The following ZNF664 variants were observed in gnomAD, a reference collection of about 807,000 sequenced individuals.
ZNF664 encodes the protein zinc finger Organ of Corti 1.
Under a neutral mutation model 18.2 loss-of-function variants are expected in ZNF664, and 10 were observed. The observed-to-expected ratio is 0.55, with a 90% CI of 0.34 to 0.93. The LOEUF (loss-of-function observed/expected upper bound fraction) is 0.93, where lower values mean the gene tolerates loss of function less well. Among genes scored for constraint, ZNF664 ranks in the 40% least tolerant of loss-of-function variants. ZNF664 has a pLI of 0.02. For synonymous variants in ZNF664, 119 were observed against 104.2 expected (o/e 1.14, Z -0.86); for missense variants, 193 against 319.0 (o/e 0.61, Z 3.01).
At position 124,013,708 on chromosome 12, in the gene ZNF664, A is replaced by G; in HGVS notation, c.*778A>G. The G allele has an allele frequency of 1.8e-5, 3 of 167,240 alleles. No individual in the cohort carries two copies. 10.4% of individuals were successfully genotyped at this position (167,240 alleles called of 1,614,324 possible). ...AAATAGCTGAATGTAAATAGCAGGG[A>G]GGAAGAAGCAAGCAAAGTGAGAGCT... On this transcript the variant is annotated 3_prime_UTR_variant, in exon 5 of 5. Transcript: ENST00000337815.
intron 3 of ZNF664, among the ~76,000 whole-genome samples, chr12:124,000,457 T>C (rs1386349528): frequency 2.0e-5 from 3 of 152,234 alleles, no homozygotes; most frequent in Non-Finnish European, 2.9e-5. Flanking sequence ...CTTTCTGTTA[T>C]TTCTTTTCTC....
Position 123,973,877 on chromosome 12 carries a change from G to A in ZNF664, c.-891-9G>A, listed in dbSNP as rs898434956. 1 of 1,231,830 alleles carries A rather than the reference G, an allele frequency of 8.1e-7. No homozygotes were observed. Among genetic ancestry groups the A allele is most frequent in the Non-Finnish European group, 1.0e-6 (1 of 988,084 alleles). The allele number at this position is 1,231,830 out of a possible 1,614,324, so 76.3% of individuals were successfully genotyped here. A position where few individuals can be genotyped will look rare whatever the true frequency, so the allele number is the denominator to read the frequency against. ...GAGCCGGCTGCATGGGGTGCTGTGT[G>A]TTTTTCAGGGCGCCCTGCGTCCGGC... On this transcript the variant is annotated splice_polypyrimidine_tract_variant and intron_variant, in intron 1 of 4. Transcript: ENST00000337815.
At chr12:123,983,396 CTT>C (rs1304435283) in intron 2 of ZNF664, among the ~76,000 whole-genome samples, 2 of 152,344 alleles carry the variant, frequency 1.3e-5, no homozygotes, top group Non-Finnish European at 2.9e-5. Flanking sequence ...CACAGTGTCT[CTT>C]GTGTCACTTG....
intron 3 of ZNF664, among the ~76,000 whole-genome samples, 180 bp downstream of exon 3, chr12:123,988,318 T>C (rs560474507): frequency 6.6e-6 from 1 of 152,362 alleles, no homozygotes; most frequent in South Asian, 2.1e-4. Context: ...ATTCCCCAGA[T>C]CTTGGACCAC....
intron 3 of ZNF664, among the ~76,000 whole-genome samples, chr12:123,994,180 C>A (rs961325435): frequency 6.7e-6 from 1 of 150,250 alleles, no homozygotes; most frequent in Non-Finnish European, 1.5e-5. Flanking sequence ...CATAAGTGGT[C>A]ATCTTACAGT....
In ZNF664 at chr12:124,011,977, A is replaced by T. The variant is rs904987738; in HGVS notation, c.-168A>T. The stretch of plus-strand genomic sequence containing the variant: ...CTATGCAGGAAGAAACCTTCCGTAG[A>T]AAGACAGGCAGGGAAAAGCTTAGGC... On this transcript the variant is annotated 5_prime_UTR_variant, in exon 5 of 5. Transcript: ENST00000337815. 1.4e-6 allele frequency: 2 copies of T among 1,429,550 alleles called. No individual in the cohort carries two copies. The allele number at this position is 1,429,550 out of a possible 1,614,324, so 88.6% of individuals were successfully genotyped here.
intron 2 of ZNF664, among the ~76,000 whole-genome samples, chr12:123,980,485 A>G (rs1956750899): frequency 6.6e-6 from 1 of 152,218 alleles, no homozygotes; most frequent in Admixed American, 6.5e-5. Flanking sequence ...AAATACAGAG[A>G]AAAGCTTTCT....
At chr12:123,973,749 C>G (rs1392350473) in intron 1 of ZNF664, 137 bp from the exon 2 acceptor site, 2 of 1,220,028 alleles carry the variant, frequency 1.6e-6, no homozygotes, top group Non-Finnish European at 2.0e-6. Context: ...AGCGCTGCCG[C>G]CCTCGTCGCC....
intron 2 of ZNF664, among the ~76,000 whole-genome samples, chr12:123,979,184 C>T (rs73409415): frequency 0.017 from 2,577 of 152,108 alleles, 69 homozygotes; most frequent in African/African-American, 0.053. Flanking sequence ...TGACAAAAAG[C>T]GTTACAGAGT....
At chr12:124,006,983 T>C (rs960304263) in intron 3 of ZNF664, among the ~76,000 whole-genome samples, 7 of 152,190 alleles carry the variant, frequency 4.6e-5, no homozygotes, top group Admixed American at 2.0e-4. Flanking sequence ...CCATAACCTG[T>C]ATCTGCCTCT....
chr12:124,000,071 T>G (rs2138413581), intron 3 of ZNF664, among the ~76,000 whole-genome samples: 1 of 152,348 alleles, frequency 6.6e-6, no homozygotes, highest in South Asian at 2.1e-4. Context: ...GATTCTCATT[T>G]GGCAAAAACT....
At chr12:123,982,852 G>T (rs563649681) in intron 2 of ZNF664, among the ~76,000 whole-genome samples, 20 of 151,148 alleles carry the variant, frequency 1.3e-4, no homozygotes, top group Admixed American at 1.2e-3. Flanking sequence ...AAGTCTTTCA[G>T]CCCAGGTTGA....
At chr12:123,987,019 G>C (rs901337543) in intron 2 of ZNF664, among the ~76,000 whole-genome samples, 1 of 152,150 alleles carries the variant, frequency 6.6e-6, no homozygotes, top group African/African-American at 2.4e-5. Context: ...TGACAGTGCA[G>C]GGCCACTCAG....
chr12:123,987,411 AATAATG>A (rs1410131846), intron 2 of ZNF664, among the ~76,000 whole-genome samples: 1 of 152,218 alleles, frequency 6.6e-6, no homozygotes, highest in East Asian at 1.9e-4. Flanking sequence ...GAATAAATAA[AATAATG>A]ATAATGATAG....
intron 3 of ZNF664, among the ~76,000 whole-genome samples, chr12:124,001,177 A>C (rs1223875754): frequency 4.6e-5 from 7 of 152,038 alleles, no homozygotes; most frequent in Non-Finnish European, 8.8e-5. Flanking sequence ...AGTCTGATAC[A>C]TTTTTCTCTC....
chr12:123,993,793 C>A lies in ZNF664; in HGVS notation c.-661+5655C>A, dbSNP rs117390648. ...GAGTTGTTTTATCTGCTGAGACTTG[C>A]CAAATTAGAATTTGATGGCTTTGAT... On this transcript the variant is annotated intron_variant, in intron 3 of 4. Transcript: ENST00000337815. Among the ~76,000 whole-genome samples, 530 of 151,836 alleles carry A rather than the reference C, an allele frequency of 3.5e-3. 1 individual carries two copies. The highest frequency in any genetic ancestry group is 6.0e-3 in the Non-Finnish European group (405 of 67,936).
At chr12:123,996,357 A>G (rs541752961) in intron 3 of ZNF664, among the ~76,000 whole-genome samples, 2 of 152,138 alleles carry the variant, frequency 1.3e-5, no homozygotes, top group African/African-American at 4.8e-5. Context: ...GCTTGGGGTA[A>G]AAGGTTGCTT....
At chr12:123,995,825 C>T (rs775908268) in intron 3 of ZNF664, among the ~76,000 whole-genome samples, 14 of 152,164 alleles carry the variant, frequency 9.2e-5, no homozygotes, top group Non-Finnish European at 2.1e-4. Context: ...ATTCAGAGTA[C>T]GTGGAGAGAA....
rs1276671027 is a variant in ZNF664 at position 124,015,396 on chromosome 12, A to G, written c.*2466A>G. ...TATTATTTGACCTACAGTATGTCCAAATCAATTTAATAAAATCGCTTTATA... is the reference window on the plus strand; with the variant it reads ...TATTATTTGACCTACAGTATGTCCAGATCAATTTAATAAAATCGCTTTATA... On this transcript the variant is annotated 3_prime_UTR_variant, in exon 5 of 5. Transcript: ENST00000337815. 2 of 165,718 alleles carry G rather than the reference A, an allele frequency of 1.2e-5. No homozygotes were observed. Among genetic ancestry groups the G allele is most frequent in the Non-Finnish European group, 2.9e-5 (2 of 68,120 alleles). 10.3% of individuals were successfully genotyped at this position (165,718 alleles called of 1,614,324 possible). A position where few individuals can be genotyped will look rare whatever the true frequency, so the allele number is the denominator to read the frequency against.
Sources: allele counts gnomAD v4.1 joint callset (sites outside exome capture counted in the v4.1 genomes callset), GRCh38; gene constraint gnomAD v4.1.1; transcripts MANE v1.5; gene names NCBI Gene and HGNC (gene_info 2026-07-23, HGNC 2026-07-21).